SYTL3: variants seen among roughly 807,000 people sequenced by gnomAD.
SYTL3 encodes synaptotagmin-like protein 3.
A neutral mutation model predicts 82.1 loss-of-function variants in SYTL3; 88 were observed. The observed-to-expected ratio is 1.07, with a 90% CI of 0.90 to 1.28. SYTL3 has a LOEUF of 1.28. Among genes scored for constraint, SYTL3 ranks in the 50% most tolerant of loss-of-function variants. The pLI, the probability that SYTL3 is intolerant of heterozygous loss-of-function variation, is 0.00. For synonymous variants in SYTL3, 311 were observed against 289.4 expected, an observed-to-expected ratio of 1.07 and a Z score of -0.76; for missense variants, 831 against 757.6, an observed-to-expected ratio of 1.10 and a Z score of -1.14.
chr6:158,665,708 CCTT>C, intron 5 of SYTL3, 95 bp downstream of exon 5: 1 of 898,474 alleles, frequency 1.1e-6, no homozygotes, highest in Non-Finnish European at 1.7e-6. Flanking sequence ...TCACTCCTCA[CCTT>C]CAGCCAGTAA....
chr6:158,700,718 G>A (rs1781100502), intron 6 of SYTL3, among the ~76,000 whole-genome samples: 1 of 152,176 alleles, frequency 6.6e-6, no homozygotes, highest in African/African-American at 2.4e-5. Context: ...CTGGGTTCAT[G>A]CCATTCTCCT....
intron 2 of SYTL3, among the ~76,000 whole-genome samples, chr6:158,658,274 A>T (rs1583131602): frequency 6.6e-6 from 1 of 152,338 alleles, no homozygotes; most frequent in East Asian, 1.9e-4. Flanking sequence ...TCTGTTGTTA[A>T]TTAAAATTTT....
intron 6 of SYTL3, among the ~76,000 whole-genome samples, chr6:158,683,457 G>T (rs993495123): frequency 7.2e-5 from 11 of 152,106 alleles, no homozygotes; most frequent in Admixed American, 7.2e-4. Flanking sequence ...CTGACCTCAT[G>T]ATCCGCCCGC....
At chr6:158,683,417 C>T (rs1347152662) in intron 6 of SYTL3, among the ~76,000 whole-genome samples, 1 of 152,018 alleles carries the variant, frequency 6.6e-6, no homozygotes, top group Non-Finnish European at 1.5e-5. Flanking sequence ...GACGGGGTTT[C>T]ACCATGTTGG....
chr6:158,764,838 T>C lies in SYTL3; in HGVS notation c.*234T>C. 2.5e-6 allele frequency: 1 copy of C among 405,486 alleles called. No individual in the cohort carries two copies. Among genetic ancestry groups the C allele is most frequent in the Non-Finnish European group, 4.4e-6 (1 of 225,912 alleles). The allele number at this position is 405,486 out of a possible 1,614,324, so 25.1% of individuals were successfully genotyped here. ...TATCTCCTCTTTGAGATGTAGAAAA[T>C]GGCCAGATTTTAATAAACGTTGTTA... On this transcript the variant is annotated 3_prime_UTR_variant, in exon 18 of 18. Coordinates refer to ENST00000611299, the MANE Select transcript of SYTL3 (RefSeq NM_001242394.2).
intron 6 of SYTL3, among the ~76,000 whole-genome samples, chr6:158,683,653 C>G (rs986813271): frequency 6.6e-6 from 1 of 152,210 alleles, no homozygotes; most frequent in Non-Finnish European, 1.5e-5. Context: ...TGCAAAGTTC[C>G]TTATATTGTA....
intron 11 of SYTL3, among the ~76,000 whole-genome samples, chr6:158,741,779 C>T (rs753897858): frequency 1.3e-4 from 20 of 152,146 alleles, no homozygotes; most frequent in Admixed American, 1.2e-3. Context: ...TTGACTTTCA[C>T]TCAGCTCATG....
chr6:158,662,938 T>G lies in SYTL3; in HGVS notation c.-331T>G. 5.2e-6 allele frequency: 1 copy of G among 192,048 alleles called. No homozygotes were observed. The highest frequency in any genetic ancestry group is 1.1e-5 in the Non-Finnish European group (1 of 94,308). 11.9% of individuals were successfully genotyped at this position (192,048 alleles called of 1,614,324 possible). On this transcript the variant is annotated 5_prime_UTR_variant, in exon 4 of 18. Transcript: ENST00000611299. Reference sequence around the variant, plus strand: ...GTGGATAATTTATAACAATCTCTGGTGAAACCTCAGAAAAGAGATATGCTT... The same window carrying G: ...GTGGATAATTTATAACAATCTCTGGGGAAACCTCAGAAAAGAGATATGCTT...
At chr6:158,761,129 C>A (rs1315033640) in intron 15 of SYTL3, among the ~76,000 whole-genome samples, 1 of 151,990 alleles carries the variant, frequency 6.6e-6, no homozygotes, top group Non-Finnish European at 1.5e-5. Flanking sequence ...CGAGATAAAT[C>A]CCCGCCCCCA....
chr6:158,690,775 ATTTC>A (rs776139816), intron 6 of SYTL3, among the ~76,000 whole-genome samples: 11 of 152,280 alleles, frequency 7.2e-5, no homozygotes, highest in Non-Finnish European at 1.5e-4. Context: ...TCTTAAAATA[ATTTC>A]TTTGATGCCA....
intron 11 of SYTL3, among the ~76,000 whole-genome samples, chr6:158,741,220 C>T (rs1364298793): frequency 6.6e-6 from 1 of 152,112 alleles, no homozygotes; most frequent in Non-Finnish European, 1.5e-5. Flanking sequence ...CAGGTGTGCA[C>T]CACCGCGCTC....
At chr6:158,735,073 A>G (rs1290863792) in intron 11 of SYTL3, among the ~76,000 whole-genome samples, 2 of 152,112 alleles carry the variant, frequency 1.3e-5, no homozygotes, top group Admixed American at 6.6e-5. Context: ...GTACTCTTAC[A>G]TTGAGCAGTT....
chr6:158,712,535 T>A (rs1233347399), intron 8 of SYTL3, among the ~76,000 whole-genome samples: 1 of 152,176 alleles, frequency 6.6e-6, no homozygotes, highest in East Asian at 1.9e-4. Context: ...CCCCCTAACA[T>A]GATGCAACTA....
At chr6:158,752,673 G>C (rs1348471850) in intron 13 of SYTL3, among the ~76,000 whole-genome samples, 1 of 152,218 alleles carries the variant, frequency 6.6e-6, no homozygotes, top group East Asian at 1.9e-4. Context: ...CCCCAATCTT[G>C]GTGCAGGGTG....
chr6:158,727,788 A>G (rs1583394884), intron 11 of SYTL3, among the ~76,000 whole-genome samples: 1 of 144,284 alleles, frequency 6.9e-6, no homozygotes, highest in Non-Finnish European at 1.5e-5. Context: ...GGTTCAAGCA[A>G]TTCTCCTGCC....
upstream of SYTL3, among the ~76,000 whole-genome samples, chr6:158,648,363 G>A (rs6910800): frequency 0.29 from 43,965 of 151,752 alleles, 6,947 homozygotes; most frequent in East Asian, 0.67. Flanking sequence ...AGGCCGAGGC[G>A]GGCGGATCAC....
chr6:158,745,724 AG>A, intron 12 of SYTL3, 66 bp downstream of exon 12: 3 of 1,277,622 alleles, frequency 2.3e-6, no homozygotes, highest in South Asian at 3.0e-5. Flanking sequence ...AAAAAGTAAA[AG>A]TCTAAGAATA....
chr6:158,714,424 G>A (rs1483650551), intron 9 of SYTL3, among the ~76,000 whole-genome samples: 2 of 151,944 alleles, frequency 1.3e-5, no homozygotes, highest in East Asian at 3.9e-4. Context: ...AGGCCAGTAG[G>A]GCCCAATTAT....
At chr6:158,669,535 A>T (rs1777126752) in intron 5 of SYTL3, among the ~76,000 whole-genome samples, 1 of 152,236 alleles carries the variant, frequency 6.6e-6, no homozygotes, top group African/African-American at 2.4e-5. Context: ...CGGAGCTTAT[A>T]TACCATCATT....
Sources: gnomAD v4.1 joint callset for allele counts (sites outside exome capture counted in the v4.1 genomes callset) on GRCh38, gnomAD v4.1.1 for gene constraint, MANE v1.5 for transcripts, NCBI Gene and HGNC (gene_info 2026-07-23, HGNC 2026-07-21) for gene names.